MAP2K2: variants seen among roughly 807,000 people sequenced by gnomAD.
MAP2K2 encodes the protein dual specificity mitogen-activated protein kinase kinase 2.
MAP2K2 carries 24 observed loss-of-function variants against 43.7 expected under a neutral mutation model. The ratio of observed to expected loss-of-function variants is 0.55; its 90% CI spans 0.40 to 0.77. The LOEUF (loss-of-function observed/expected upper bound fraction) is 0.77, where lower values mean the gene tolerates loss of function less well. MAP2K2 is among the 30% of genes least tolerant of loss of function. MAP2K2 has a pLI of 0.00. For synonymous variants in MAP2K2, 244 were observed against 239.7 expected, an observed-to-expected ratio of 1.02 and a Z score of -0.17; for missense variants, 470 against 566.8, an observed-to-expected ratio of 0.83 and a Z score of 1.73.
At chr19:4,094,959 C>T (rs2040895677) in intron 9 of MAP2K2, 1 of 349,768 alleles carries the variant, frequency 2.9e-6, no homozygotes, top group East Asian at 4.7e-5. Context: ...CCGTGGTCTG[C>T]GGCACATGCC....
At chr19:4,098,056 A>G (rs1056235747) in intron 7 of MAP2K2, among the ~76,000 whole-genome samples, 5 of 152,210 alleles carry the variant, frequency 3.3e-5, no homozygotes, top group East Asian at 1.9e-4. Flanking sequence ...CACAGCCCCA[A>G]TCCATCCGGG....
At chr19:4,112,047 A>G (rs1175798072) in intron 2 of MAP2K2, among the ~76,000 whole-genome samples, 2 of 152,242 alleles carry the variant, frequency 1.3e-5, no homozygotes, top group African/African-American at 4.8e-5. Context: ...CAGAAGAGCC[A>G]GGACCCCCAG....
chr19:4,101,154 C>A lies in MAP2K2; in HGVS notation c.581-11G>T, dbSNP rs758442973. 1.9e-6 allele frequency: 3 copies of A among 1,606,428 alleles called. No homozygotes were observed. The highest frequency in any genetic ancestry group is 2.5e-6 in the Non-Finnish European group (3 of 1,176,816). ...TGGAGGGCTTCACATCTGGAGGCGG[C>A]AGGCTGCGGGTGAGGGGCGCCCAAC... is the stretch of plus-strand genomic sequence containing the variant. On this transcript the variant is annotated splice_polypyrimidine_tract_variant and intron_variant, in intron 5 of 10. Transcript: ENST00000262948. The surrounding 1 kb of genome is among the most constrained non-coding windows in gnomAD (Gnocchi z 6.3).
chr19:4,120,528 G>C (rs2041279749), intron 1 of MAP2K2, among the ~76,000 whole-genome samples: 1 of 152,154 alleles, frequency 6.6e-6, no homozygotes, highest in African/African-American at 2.4e-5. Context: ...TGTTGGCCAG[G>C]TTGGTCTTGA....
Position 4,099,236 on chromosome 19 carries a change from G to A in MAP2K2, c.884C>T (p.Ser295Leu), listed in dbSNP as rs531584619. ...GCGCCCGGGGGGCCTCGGCCGAGGC[G>A]AGATGCTGTGAGGCTCTCCTTCTTC... ...DGEEGEPHSISPRPRPPGRPV... is the reference protein window; with the variant it reads ...DGEEGEPHSILPRPRPPGRPV... Residue 295 changes from serine (S) to leucine (L), a missense_variant, in exon 7 of 11, where the codon TCG becomes TTG. Ser to Leu is a moderately radical substitution (Grantham distance 145, BLOSUM62 -2). Around this residue, in one of 3 missense-constraint regions of MAP2K2, gnomAD observed 212 missense variants for 220.8 expected, o/e 0.96. Coordinates refer to ENST00000262948, the MANE Select transcript of MAP2K2 (RefSeq NM_030662.4). 1.7e-5 allele frequency: 27 copies of A among 1,605,200 alleles called. No individual in the cohort carries two copies. Among genetic ancestry groups the A allele is most frequent in the Admixed American group, 3.4e-5 (2 of 58,874 alleles).
intron 3 of MAP2K2, among the ~76,000 whole-genome samples, chr19:4,110,196 C>G (rs372593416): frequency 6.6e-6 from 1 of 152,074 alleles, no homozygotes; most frequent in Non-Finnish European, 1.5e-5. Flanking sequence ...CCCAGCTACT[C>G]GGGAGGCTGA....
intron 3 of MAP2K2, chr19:4,102,908 G>C (rs1182667396): frequency 2.6e-6 from 3 of 1,153,608 alleles, no homozygotes; most frequent in Admixed American, 4.0e-5. Context: ...GAAGGGAAGG[G>C]GAGGGTGAGG....
chr19:4,100,811 A>G, intron 6 of MAP2K2: 2 of 621,842 alleles, frequency 3.2e-6, no homozygotes, highest in South Asian at 3.8e-5. Context: ...GGGTGCTAAC[A>G]GCCATGTAGG....
At chr19:4,118,691 T>C (rs1230757191) in intron 1 of MAP2K2, among the ~76,000 whole-genome samples, 3 of 152,130 alleles carry the variant, frequency 2.0e-5, no homozygotes, top group East Asian at 1.9e-4. Context: ...TTCTAGTTAC[T>C]CAGGAGGCTG....
At chr19:4,113,096 CAAG>C (rs1301637026) in intron 2 of MAP2K2, among the ~76,000 whole-genome samples, 3 of 152,112 alleles carry the variant, frequency 2.0e-5, no homozygotes, top group Admixed American at 6.6e-5. Context: ...AGATGGGTGA[CAAG>C]AAGCAGGAAA....
chr19:4,110,375 G>T, intron 3 of MAP2K2, 134 bp downstream of exon 3: 2 of 1,074,446 alleles, frequency 1.9e-6, no homozygotes, highest in Non-Finnish European at 2.8e-6. Context: ...GGCATCGACT[G>T]CCTTGAGAAG....
chr19:4,123,126 C>A (rs985313561), intron 1 of MAP2K2, among the ~76,000 whole-genome samples: 8 of 151,782 alleles, frequency 5.3e-5, no homozygotes, highest in African/African-American at 1.9e-4. Context: ...CTTAGGAACT[C>A]TTCACCCTCA....
At chr19:4,119,821 G>A (rs2041270507) in intron 1 of MAP2K2, among the ~76,000 whole-genome samples, 1 of 152,252 alleles carries the variant, frequency 6.6e-6, no homozygotes, top group Non-Finnish European at 1.5e-5. Context: ...GACAGCCAGA[G>A]AGGGGACTGA....
At position 4,099,356 on chromosome 19, in the gene MAP2K2, A is replaced by G. The variant is rs2145050299; in HGVS notation, c.764T>C (p.Leu255Pro). Residue 255 changes from leucine to proline, a missense_variant, in exon 7 of 11, where the codon CTG becomes CCG. Physicochemically the swap from Leu to Pro is moderately conservative, Grantham distance 98 (BLOSUM62 -3). Transcript: ENST00000262948. ...SVQSDIWSMG[L>P]SLVELAVGRY... ...TCCGACGGCCAGCTCCACCAGGGACAGGCCCATGCTCCAGATGTCCGACTG... is the reference window on the plus strand; with the variant it reads ...TCCGACGGCCAGCTCCACCAGGGACGGGCCCATGCTCCAGATGTCCGACTG... 6.2e-7 allele frequency: 1 copy of G among 1,611,844 alleles called. No homozygotes were observed. The highest frequency in any genetic ancestry group is 8.5e-7 in the Non-Finnish European group (1 of 1,179,342).
In MAP2K2 at chr19:4,099,234, G is replaced by A. The variant is rs2145049691; in HGVS notation, c.886C>T (p.Pro296Ser). The A allele has an allele frequency of 6.2e-7, 1 of 1,605,240 alleles. No homozygotes were observed. The highest frequency in any genetic ancestry group is 8.5e-7 in the Non-Finnish European group (1 of 1,176,524). Reference sequence around the variant, plus strand: ...GGGCGCCCGGGGGGCCTCGGCCGAGGCGAGATGCTGTGAGGCTCTCCTTCT... The same window carrying A: ...GGGCGCCCGGGGGGCCTCGGCCGAGACGAGATGCTGTGAGGCTCTCCTTCT... ...GEEGEPHSIS[P>S]RPRPPGRPVS... The change falls in exon 7 of 11, where the codon CCT becomes TCT. Residue 296 changes from proline (P) to serine (S), a missense_variant. By Grantham distance (74) the Pro-to-Ser change is moderately conservative. Around this residue, in one of 3 missense-constraint regions of MAP2K2, gnomAD observed 212 missense variants for 220.8 expected, o/e 0.96. Coordinates refer to ENST00000262948, the MANE Select transcript of MAP2K2 (RefSeq NM_030662.4).
intron 3 of MAP2K2, chr19:4,102,807 T>A: frequency 8.1e-7 from 1 of 1,230,526 alleles, no homozygotes; most frequent in Non-Finnish European, 1.0e-6. Context: ...CCGCACTCCC[T>A]GCAGCCTACG....
chr19:4,123,416 C>CA (rs1428604319), intron 1 of MAP2K2, among the ~76,000 whole-genome samples: 1 of 151,920 alleles, frequency 6.6e-6, no homozygotes, highest in Non-Finnish European at 1.5e-5. Flanking sequence ...CTTCACTACT[C>CA]AGAGACTCCC....
intron 2 of MAP2K2, among the ~76,000 whole-genome samples, chr19:4,112,737 C>T (rs371812146): frequency 3.5e-4 from 53 of 152,274 alleles, no homozygotes; most frequent in African/African-American, 1.1e-3. Context: ...CAGCTCCAGA[C>T]GGTGGCCCCT....
At chr19:4,100,450 A>G (rs1195969651) in intron 6 of MAP2K2, 1 of 153,100 alleles carries the variant, frequency 6.5e-6, no homozygotes, top group Admixed American at 6.6e-5. Context: ...AAAAAAAAAA[A>G]AAAAAGAAAG....
Sources: gnomAD v4.1 joint callset for allele counts (sites outside exome capture counted in the v4.1 genomes callset) on GRCh38, gnomAD v4.1.1 for gene constraint, gnomAD v4.1.1 regional missense constraint, Gnocchi (gnomAD v3.1) non-coding constraint, MANE v1.5 for transcripts, NCBI Gene and HGNC (gene_info 2026-07-23, HGNC 2026-07-21) for gene names.